The following PINX1 variants were observed in gnomAD, a reference collection of about 807,000 sequenced individuals.
PINX1 encodes the protein PIN2/TERF1-interacting telomerase inhibitor 1.
PINX1 carries 34 observed loss-of-function variants against 25.4 expected under a neutral mutation model. That is an observed-to-expected ratio of 1.34 (90% CI 1.02 to 1.78). The LOEUF is 1.78. PINX1 is among the 40% of genes most tolerant of loss of function. The pLI is 0.00. For missense variants in PINX1, 592 were observed against 404.9 expected (o/e 1.46, Z -3.97); for synonymous variants, 197 against 147.7 (o/e 1.33, Z -2.42).
At chr8:10,837,260 A>G (rs1798432172) in intron 1 of PINX1, among the ~76,000 whole-genome samples, 1 of 152,124 alleles carries the variant, frequency 6.6e-6, no homozygotes, top group South Asian at 2.1e-4. Context: ...GTCTCTCACT[A>G]GCTTCCCTGG....
chr8:10,831,690 G>A lies in PINX1; in HGVS notation c.276C>T (p.Asn92=). Residue 92 remains asparagine (N), a synonymous_variant, in exon 4 of 7, where the codon AAC becomes AAT. Coordinates refer to ENST00000314787, the MANE Select transcript of PINX1 (RefSeq NM_017884.6). ...CTGTGGTTTCCTGCCCATGGCAAGT[G>A]TTCAGTTCGGCCAGAAGCTGGTTAA... ...DDFNQLLAEL[N]TCHGQETTDS... The A allele has an allele frequency of 6.2e-7, 1 of 1,603,670 alleles. No individual in the cohort carries two copies. Among genetic ancestry groups the A allele is most frequent in the Non-Finnish European group, 8.5e-7 (1 of 1,173,590 alleles).
intron 6 of PINX1, among the ~76,000 whole-genome samples, chr8:10,770,647 T>C (rs948600825): frequency 2.8e-4 from 42 of 152,178 alleles, no homozygotes; most frequent in Non-Finnish European, 5.3e-4. Flanking sequence ...AATGCCCAAA[T>C]AGAGAGGATT....
intron 5 of PINX1, chr8:10,821,798 G>C (rs560798251): frequency 1.3e-5 from 2 of 152,326 alleles, no homozygotes; most frequent in South Asian, 2.1e-4. Flanking sequence ...CTCTGGAATA[G>C]AGACACTCTA....
chr8:10,766,773 G>C (rs531153761), intron 6 of PINX1, among the ~76,000 whole-genome samples: 1 of 152,198 alleles, frequency 6.6e-6, no homozygotes, highest in Non-Finnish European at 1.5e-5. Flanking sequence ...GAAAAAATGT[G>C]AAAAATGTAT....
Position 10,765,973 on chromosome 8 carries a change from G to A in PINX1, c.472-57C>T, listed in dbSNP as rs564906617. On this transcript the variant is annotated intron_variant, in intron 6 of 6. Coordinates refer to ENST00000314787, the MANE Select transcript of PINX1 (RefSeq NM_017884.6). ...AAGCATCAACTGTTCATCCCTCACC[G>A]CACCCAGGAGGCACCCACACCCGGC... is the stretch of plus-strand genomic sequence containing the variant. 2.1e-5 allele frequency: 32 copies of A among 1,543,484 alleles called. No homozygotes were observed. The East Asian group carries it at 2.5e-4, about 12-fold the overall frequency.
chr8:10,802,429 A>C (rs11774361), intron 6 of PINX1, among the ~76,000 whole-genome samples: 1,638 of 152,330 alleles, frequency 0.011, 21 homozygotes, highest in Non-Finnish European at 0.015. Flanking sequence ...GACATCAATC[A>C]AATTTGGATA....
chr8:10,813,723 A>G lies in PINX1; in HGVS notation c.471+6470T>C, dbSNP rs1797607003. ...TCAGGTTAGAGAGGTGAAGAAAAGG[A>G]GAATTATTTTGCCAGGAGCCCATGC... On this transcript the variant is annotated intron_variant, in intron 6 of 6. Transcript: ENST00000314787. 1.3e-5 allele frequency among the ~76,000 whole-genome samples: 2 copies of G among 152,164 alleles called. 1 individual carries two copies. The highest frequency in any genetic ancestry group is 2.9e-5 in the Non-Finnish European group (2 of 68,030).
chr8:10,778,325 C>G (rs1801476659), intron 6 of PINX1, among the ~76,000 whole-genome samples: 1 of 152,086 alleles, frequency 6.6e-6, no homozygotes, highest in Non-Finnish European at 1.5e-5. Context: ...TATAAATATG[C>G]TAAATTGATA....
chr8:10,839,583 C>T, intron 1 of PINX1, 155 bp downstream of exon 1: 2 of 722,790 alleles, frequency 2.8e-6, no homozygotes. Flanking sequence ...CTGCGGCGAG[C>T]AGGACAATCA....
chr8:10,807,868 C>G (rs1421017310), intron 6 of PINX1, among the ~76,000 whole-genome samples: 4 of 152,122 alleles, frequency 2.6e-5, no homozygotes, highest in African/African-American at 9.7e-5. Flanking sequence ...ATGGCCGAGC[C>G]AGCACCTAGT....
At chr8:10,790,497 G>A (rs970351829) in intron 6 of PINX1, among the ~76,000 whole-genome samples, 3 of 152,114 alleles carry the variant, frequency 2.0e-5, no homozygotes, top group South Asian at 4.1e-4. Context: ...CTGCCCTGCC[G>A]TGCGCTCCTC....
intron 6 of PINX1, among the ~76,000 whole-genome samples, chr8:10,794,987 G>A (rs1015755205): frequency 2.0e-5 from 3 of 152,128 alleles, no homozygotes; most frequent in Non-Finnish European, 2.9e-5. Context: ...GGAGGGTGAC[G>A]CTAGAAATGA....
rs1490535443 is a variant in PINX1, at chr8:10,834,793, T to C, written c.20-18A>G. 5.7e-6 allele frequency: 9 copies of C among 1,577,942 alleles called. No homozygotes were observed. Among genetic ancestry groups the C allele is most frequent in the African/African-American group, 2.7e-5 (2 of 74,184 alleles). On this transcript the variant is annotated intron_variant, in intron 1 of 6. Transcript: ENST00000314787. ...CCGCCGACCTGTAAATGAAAAAGCA[T>C]TATCATCAGCAATGGAGATGATACC... is the stretch of plus-strand genomic sequence containing the variant.
At chr8:10,796,398 T>C (rs1802085797) in intron 6 of PINX1, among the ~76,000 whole-genome samples, 1 of 152,176 alleles carries the variant, frequency 6.6e-6, no homozygotes, top group South Asian at 2.1e-4. Context: ...GTTCCATTTC[T>C]ACCTCTCGTA....
At chr8:10,832,206 G>C (rs1036278970) in intron 3 of PINX1, among the ~76,000 whole-genome samples, 2 of 152,124 alleles carry the variant, frequency 1.3e-5, no homozygotes, top group African/African-American at 4.8e-5. Context: ...AAACTCTGAG[G>C]AAGGGGAGGA....
At chr8:10,809,483 A>C (rs7002282) in intron 6 of PINX1, among the ~76,000 whole-genome samples, 1 of 152,154 alleles carries the variant, frequency 6.6e-6, no homozygotes, top group South Asian at 2.1e-4. Flanking sequence ...TCTTACTCAC[A>C]GGGCTCATTT....
Position 10,820,181 on chromosome 8 carries a change from G to A in PINX1, c.471+12C>T, listed in dbSNP as rs767429561. 2.0e-5 allele frequency: 31 copies of A among 1,558,142 alleles called. No individual in the cohort carries two copies. The highest frequency in any genetic ancestry group is 1.7e-4 in the Middle Eastern group (1 of 5,984). ...TTAAAGCGGAACACGGAAACTGTAC[G>A]TGGCTTTATACCTCGGGAGTCTTCT... On this transcript the variant is annotated intron_variant, in intron 6 of 6. Coordinates refer to ENST00000314787, the MANE Select transcript of PINX1 (RefSeq NM_017884.6).
intron 6 of PINX1, among the ~76,000 whole-genome samples, chr8:10,784,232 A>G (rs148127478): frequency 1.3e-5 from 2 of 152,212 alleles, no homozygotes; most frequent in Non-Finnish European, 2.9e-5. Flanking sequence ...AAACGAAATG[A>G]CTGATTTAAC....
At chr8:10,807,936 AGCTGACAGATGATCTGATG>A (rs1802507077) in intron 6 of PINX1, among the ~76,000 whole-genome samples, 1 of 152,198 alleles carries the variant, frequency 6.6e-6, no homozygotes, top group Non-Finnish European at 1.5e-5. Context: ...AGACAGATCC[AGCTGACAGATGATCTGATG>A]CAGCTGACAC....
Sources: gnomAD v4.1 joint callset for allele counts (sites outside exome capture counted in the v4.1 genomes callset) on GRCh38, gnomAD v4.1.1 for gene constraint, MANE v1.5 for transcripts, NCBI Gene and HGNC (gene_info 2026-07-23, HGNC 2026-07-21) for gene names.